The following ABHD12 variants were observed in gnomAD, a reference collection of about 807,000 sequenced individuals.
The protein encoded by ABHD12 is lysophosphatidylserine lipase ABHD12.
ABHD12 carries 43 observed loss-of-function variants against 58.3 expected under a neutral mutation model. That is an observed-to-expected ratio of 0.74 (90% confidence interval 0.58 to 0.95). The LOEUF is 0.95. Ranked by LOEUF, ABHD12 falls within the 40% of genes least tolerant of loss-of-function variation. The pLI, the probability that ABHD12 is intolerant of heterozygous loss-of-function variation, is 0.00. For synonymous variants in ABHD12, 219 were observed against 211.2 expected (o/e 1.04, Z -0.32); for missense variants, 539 against 537.2 (o/e 1.00, Z -0.03).
At chr20:25,368,248 G>A in intron 1 of ABHD12, 2 of 1,484,648 alleles carry the variant, frequency 1.3e-6, no homozygotes, top group Non-Finnish European at 1.9e-6. Flanking sequence ...TGGTCTGGTG[G>A]TTAAGATAAA....
intron 1 of ABHD12, among the ~76,000 whole-genome samples, chr20:25,342,360 T>G (rs2146042681): frequency 6.6e-6 from 1 of 152,254 alleles, no homozygotes; most frequent in South Asian, 2.1e-4. Context: ...TGATACATGA[T>G]TTCACCCAAA....
intron 1 of ABHD12, among the ~76,000 whole-genome samples, chr20:25,365,445 AGCT>A (rs1396996489): frequency 6.6e-6 from 1 of 152,142 alleles, no homozygotes; most frequent in African/African-American, 2.4e-5. Flanking sequence ...CCTATTTTAC[AGCT>A]CCTAACTGGG....
intron 1 of ABHD12, among the ~76,000 whole-genome samples, chr20:25,340,595 C>T (rs1012166928): frequency 9.2e-5 from 14 of 152,248 alleles, no homozygotes; most frequent in Admixed American, 3.3e-4. Flanking sequence ...GACCACTGCT[C>T]TAACTTGCCA....
At chr20:25,323,505 T>TCA in intron 2 of ABHD12, 75 bp from the exon 3 acceptor site, 1 of 925,440 alleles carries the variant, frequency 1.1e-6, no homozygotes, top group South Asian at 1.3e-5. Context: ...ACATGCATAC[T>TCA]CACACACGTG....
At chr20:25,374,019 G>A (rs546394531) in intron 1 of ABHD12, among the ~76,000 whole-genome samples, 240 of 152,180 alleles carry the variant, frequency 1.6e-3, no homozygotes, top group Non-Finnish European at 2.1e-3. Context: ...GACCTCCCAG[G>A]CTCAAGCAAT....
chr20:25,390,639 G>C lies in ABHD12; in HGVS notation c.65C>G (p.Ser22Cys), dbSNP rs1478859533. The change falls in exon 1 of 13, where the codon TCC becomes TGC. Residue 22 changes from serine (S) to cysteine (C), a missense_variant. Ser to Cys is a moderately radical substitution (Grantham distance 112). Transcript: ENST00000339157. ...CAGCGCCGCGGCGGCCGAGCCGGAG[G>C]AGGACGAGCCCGCGGCGGCGCAGCG... is the stretch of plus-strand genomic sequence containing the variant. The part of the protein sequence containing the change: ...HERCAAAGSS[S>C]SGSAAAALDA... 7 of 1,452,924 alleles carry C rather than the reference G, an allele frequency of 4.8e-6. No individual in the cohort carries two copies. Among genetic ancestry groups the C allele is most frequent in the Non-Finnish European group, 5.4e-6 (6 of 1,107,432 alleles). 90.0% of individuals were successfully genotyped at this position (1,452,924 alleles called of 1,614,324 possible). A position where few individuals can be genotyped will look rare whatever the true frequency, so the allele number is the denominator to read the frequency against.
chr20:25,303,686 C>T (rs1358439049), intron 10 of ABHD12, 58 bp from the exon 11 acceptor site: 25 of 1,607,738 alleles, frequency 1.6e-5, no homozygotes, highest in Non-Finnish European at 2.0e-5. Flanking sequence ...TTGCCCAGAC[C>T]CTCTGTCCAT....
intron 1 of ABHD12, among the ~76,000 whole-genome samples, chr20:25,371,288 C>T (rs1342748734): frequency 6.6e-6 from 1 of 152,204 alleles, no homozygotes; most frequent in Non-Finnish European, 1.5e-5. Context: ...GCCGCTCTAT[C>T]AGGATGGTAG....
intron 1 of ABHD12, among the ~76,000 whole-genome samples, chr20:25,362,479 T>C (rs2089763175): frequency 6.7e-6 from 1 of 148,580 alleles, no homozygotes; most frequent in Non-Finnish European, 1.5e-5. Context: ...AGGCAGAGAA[T>C]TGCTTGAACC....
intron 1 of ABHD12, among the ~76,000 whole-genome samples, chr20:25,366,135 G>A (rs1027517102): frequency 2.0e-5 from 3 of 152,028 alleles, no homozygotes; most frequent in Non-Finnish European, 1.5e-5. Flanking sequence ...ATTGGGCCTT[G>A]AACTTTTTTC....
At position 25,342,053 on chromosome 20, in the gene ABHD12, T is replaced by A. The variant is rs139569112; in HGVS notation, c.192-2702A>T. ...AGCCTATGTCCACAGAAAGACTTGTTCAAAAATGTTCACAGCTTCAGCCTG... is the reference window on the plus strand; with the variant it reads ...AGCCTATGTCCACAGAAAGACTTGTACAAAAATGTTCACAGCTTCAGCCTG... On this transcript the variant is annotated intron_variant, in intron 1 of 12. Coordinates refer to ENST00000339157, the MANE Select transcript of ABHD12 (RefSeq NM_001042472.3). Among the ~76,000 whole-genome samples, 165 of 146,572 alleles carry A rather than the reference T, an allele frequency of 1.1e-3. 1 individual carries two copies. Among genetic ancestry groups the A allele is most frequent in the African/African-American group, 4.1e-3 (158 of 38,886 alleles).
At chr20:25,302,375 C>G (rs761264673) in intron 11 of ABHD12, 29 bp from the exon 12 acceptor site, 1 of 1,611,696 alleles carries the variant, frequency 6.2e-7, no homozygotes, top group Non-Finnish European at 8.5e-7. Context: ...GAGCCTGAGG[C>G]AGTGGCCTGG....
chr20:25,314,206 C>G (rs1008733670), intron 6 of ABHD12, among the ~76,000 whole-genome samples: 7 of 152,120 alleles, frequency 4.6e-5, no homozygotes, highest in African/African-American at 7.2e-5. Flanking sequence ...CTCCTGACCT[C>G]AAGTGATCCG....
chr20:25,322,381 A>ATATATATATATATATATATATATATAT, intron 3 of ABHD12, among the ~76,000 whole-genome samples: 4 of 59,286 alleles, frequency 6.7e-5, no homozygotes, highest in African/African-American at 3.3e-4. Flanking sequence ...ATATATATAT[A>ATATATATATATATATATATATATATAT]TTTTTTTTTT....
chr20:25,349,746 G>A (rs909197274), intron 1 of ABHD12, among the ~76,000 whole-genome samples: 1 of 152,200 alleles, frequency 6.6e-6, no homozygotes, highest in East Asian at 1.9e-4. Flanking sequence ...GTTGTGGGAA[G>A]GGGAAAATGG....
intron 1 of ABHD12, among the ~76,000 whole-genome samples, chr20:25,385,325 G>A (rs2090074053): frequency 1.2e-5 from 1 of 81,704 alleles, no homozygotes; most frequent in Non-Finnish European, 2.2e-5. Context: ...CAACAAGAGT[G>A]AGACTCAAAA....
At chr20:25,351,127 T>C (rs567985448) in intron 1 of ABHD12, among the ~76,000 whole-genome samples, 114 of 152,308 alleles carry the variant, frequency 7.5e-4, no homozygotes, top group Non-Finnish European at 1.1e-3. Context: ...GTCATTTAAT[T>C]CACAGTCCCC....
chr20:25,310,027 G>A (rs1320487630), intron 6 of ABHD12, among the ~76,000 whole-genome samples: 1 of 152,190 alleles, frequency 6.6e-6, no homozygotes, highest in African/African-American at 2.4e-5. Context: ...TTCTTAACAG[G>A]CAAGCTAGTG....
At chr20:25,340,442 T>C (rs910271886) in intron 1 of ABHD12, among the ~76,000 whole-genome samples, 4 of 152,212 alleles carry the variant, frequency 2.6e-5, no homozygotes, top group Non-Finnish European at 5.9e-5. Flanking sequence ...TCATGTGTCA[T>C]CTGGAAAACC....
Sources: gnomAD v4.1 joint callset for allele counts (sites outside exome capture counted in the v4.1 genomes callset) on GRCh38, gnomAD v4.1.1 for gene constraint, MANE v1.5 for transcripts, NCBI Gene and HGNC (gene_info 2026-07-23, HGNC 2026-07-21) for gene names.